Variants in ASTN2 observed in about 807,000 individuals in gnomAD.
The protein encoded by ASTN2 is astrotactin 2.
Under a neutral mutation model 139.8 loss-of-function variants are expected in ASTN2, and 54 were observed. That is an observed-to-expected ratio of 0.39 (90% CI 0.31 to 0.48). The LOEUF (loss-of-function observed/expected upper bound fraction) is 0.48, where lower values mean the gene tolerates loss of function less well. Ranked by LOEUF, ASTN2 falls within the 20% of genes least tolerant of loss-of-function variation. The pLI is 0.95. For synonymous variants in ASTN2, 756 were observed against 719.5 expected, an observed-to-expected ratio of 1.05 and a Z score of -0.81; for missense variants, 1,565 against 1,725.1, an observed-to-expected ratio of 0.91 and a Z score of 1.64.
intron 5 of ASTN2, among the ~76,000 whole-genome samples, chr9:117,044,254 T>G (rs1838668293): frequency 6.6e-6 from 1 of 152,116 alleles, no homozygotes; most frequent in African/African-American, 2.4e-5. Flanking sequence ...GAGTAAAAAG[T>G]GTAGAGAAGG....
At chr9:117,371,698 C>G (rs180795762) in intron 1 of ASTN2, among the ~76,000 whole-genome samples, 1 of 152,094 alleles carries the variant, frequency 6.6e-6, no homozygotes, top group East Asian at 1.9e-4. Flanking sequence ...CACTTAGTGT[C>G]TGAAAGATGG....
intron 19 of ASTN2, among the ~76,000 whole-genome samples, chr9:116,607,670 AACACACACACACACACACAC>A (rs57512218): frequency 0.013 from 1,799 of 136,360 alleles, 34 homozygotes; most frequent in African/African-American, 0.043. Flanking sequence ...TTAAGAAATT[AACACACACACACACACACAC>A]ACACACACAC....
intron 21 of ASTN2, among the ~76,000 whole-genome samples, 156 bp from the exon 22 acceptor site, chr9:116,440,948 G>T (rs1847822354): frequency 6.6e-6 from 1 of 152,162 alleles, no homozygotes; most frequent in African/African-American, 2.4e-5. Context: ...ATATGTTATT[G>T]ACTGGTTGTG....
At chr9:117,410,498 C>T (rs1415127818) in intron 1 of ASTN2, among the ~76,000 whole-genome samples, 7 of 152,108 alleles carry the variant, frequency 4.6e-5, no homozygotes, top group Non-Finnish European at 5.9e-5. Context: ...AATCTTTACA[C>T]GAAAGGATTA....
chr9:117,231,340 A>T (rs150662071), intron 2 of ASTN2, among the ~76,000 whole-genome samples: 1 of 152,308 alleles, frequency 6.6e-6, no homozygotes, highest in Non-Finnish European at 1.5e-5. Context: ...ATCCCTGACT[A>T]GTCCTTCTTA....
chr9:117,063,637 A>G (rs1207778108), intron 5 of ASTN2, among the ~76,000 whole-genome samples: 1 of 152,200 alleles, frequency 6.6e-6, no homozygotes, highest in Non-Finnish European at 1.5e-5. Context: ...ACAGACTAAT[A>G]CACCTGGTTA....
At chr9:116,915,870 C>T (rs949964227) in intron 10 of ASTN2, among the ~76,000 whole-genome samples, 2 of 152,084 alleles carry the variant, frequency 1.3e-5, no homozygotes, top group Non-Finnish European at 2.9e-5. Flanking sequence ...ATTATTGAAC[C>T]TGGATGGGGA....
At chr9:116,616,156 CA>C (rs1376233016) in intron 19 of ASTN2, among the ~76,000 whole-genome samples, 1 of 152,126 alleles carries the variant, frequency 6.6e-6, no homozygotes, top group Non-Finnish European at 1.5e-5. Flanking sequence ...ATCATGCATA[CA>C]GAAAACTTTA....
intron 5 of ASTN2, among the ~76,000 whole-genome samples, chr9:117,087,862 T>G (rs1225559664): frequency 6.6e-6 from 1 of 152,192 alleles, no homozygotes; most frequent in Non-Finnish European, 1.5e-5. Flanking sequence ...TTCCAGTGCT[T>G]ATGTACAACC....
intron 15 of ASTN2, among the ~76,000 whole-genome samples, chr9:116,727,698 C>G (rs1828668592): frequency 6.6e-6 from 1 of 152,044 alleles, no homozygotes; most frequent in Non-Finnish European, 1.5e-5. Flanking sequence ...GGGTCTTATC[C>G]AGGCAGACAA....
chr9:116,575,200 T>C (rs1228850169), intron 19 of ASTN2, among the ~76,000 whole-genome samples: 1 of 152,116 alleles, frequency 6.6e-6, no homozygotes, highest in African/African-American at 2.4e-5. Flanking sequence ...TTTTATTGGC[T>C]TACCTCTTTT....
intron 3 of ASTN2, among the ~76,000 whole-genome samples, chr9:117,168,118 C>A (rs2132917679): frequency 6.6e-6 from 1 of 152,002 alleles, no homozygotes; most frequent in African/African-American, 2.4e-5. Context: ...GCAGAGTTGC[C>A]TGGAGGAGAT....
In ASTN2 at chr9:116,453,593, C is replaced by CAAAAAAAAAAAAAAAAAAA. The variant is rs386416019; in HGVS notation, c.3498-11059_3498-11041dup. Reference sequence around the variant, plus strand: ...TGGGCAAAAGTGCGAGACTCCGTCTCAAAAAAAAAAAAAAAAAAAAAAAAA... The same window carrying CAAAAAAAAAAAAAAAAAAA: ...TGGGCAAAAGTGCGAGACTCCGTCTCAAAAAAAAAAAAAAAAAAAAAAAAAAAAAAAAAAAAAAAAAAAA... On this transcript the variant is annotated intron_variant, in intron 20 of 22. Transcript: ENST00000313400. Among the ~76,000 whole-genome samples the CAAAAAAAAAAAAAAAAAAA allele has an allele frequency of 2.7e-4, 16 of 58,794 alleles. No homozygotes were observed. In the South Asian group the frequency reaches 0.011, roughly 42 times the overall value. 38.6% of individuals were successfully genotyped at this position (58,794 alleles called of 152,430 possible).
At chr9:117,320,504 A>T (rs1828293105) in intron 1 of ASTN2, among the ~76,000 whole-genome samples, 1 of 152,174 alleles carries the variant, frequency 6.6e-6, no homozygotes, top group South Asian at 2.1e-4. Flanking sequence ...CTATACTGTC[A>T]CAACCTATGA....
intron 13 of ASTN2, among the ~76,000 whole-genome samples, chr9:116,794,970 GTTTTTT>G (rs1329731625): frequency 2.0e-5 from 3 of 151,982 alleles, no homozygotes; most frequent in Non-Finnish European, 4.4e-5. Context: ...TTTTGTTTTT[GTTTTTT>G]TGTTTGCTTG....
At chr9:116,622,728 C>G (rs553088068) in intron 17 of ASTN2, among the ~76,000 whole-genome samples, 2 of 152,300 alleles carry the variant, frequency 1.3e-5, no homozygotes, top group East Asian at 3.9e-4. Flanking sequence ...CAGTTAAATT[C>G]AAATTCCAGG....
intron 1 of ASTN2, among the ~76,000 whole-genome samples, chr9:117,376,826 T>C (rs1300416956): frequency 6.6e-6 from 1 of 152,186 alleles, no homozygotes; most frequent in African/African-American, 2.4e-5. Flanking sequence ...CAATAAATGG[T>C]AGGCATTTTT....
chr9:116,737,988 C>A (rs1828985939), intron 13 of ASTN2, among the ~76,000 whole-genome samples: 1 of 149,908 alleles, frequency 6.7e-6, no homozygotes, highest in Non-Finnish European at 1.5e-5. Context: ...GTCAGGAGAT[C>A]GAGACCATCC....
At chr9:116,851,910 C>G (rs1832619271) in intron 11 of ASTN2, among the ~76,000 whole-genome samples, 1 of 152,098 alleles carries the variant, frequency 6.6e-6, no homozygotes, top group Admixed American at 6.5e-5. Flanking sequence ...CCAAGTACAT[C>G]TTTGACTTAG....
Sources: allele counts gnomAD v4.1 joint callset (sites outside exome capture counted in the v4.1 genomes callset), GRCh38; gene constraint gnomAD v4.1.1; transcripts MANE v1.5; gene names NCBI Gene and HGNC (gene_info 2026-07-23, HGNC 2026-07-21).